SLC25A48: variants seen among roughly 807,000 people sequenced by gnomAD.
SLC25A48 encodes solute carrier family 25 member 48, also known as CTC-321K16.1.
SLC25A48 carries 29 observed loss-of-function variants against 32.2 expected under a neutral mutation model. The ratio of observed to expected loss-of-function variants is 0.90; its 90% CI spans 0.67 to 1.23. SLC25A48 has a LOEUF of 1.23. Ranked by LOEUF, SLC25A48 falls within the 50% of genes most tolerant of loss-of-function variation. The pLI is 0.00. For synonymous variants in SLC25A48, 164 were observed against 172.3 expected (o/e 0.95, Z 0.38); for missense variants, 399 against 422.7 (o/e 0.94, Z 0.49).
chr5:135,593,782 G>A (rs1488802211), intron 1 of SLC25A48, among the ~76,000 whole-genome samples: 2 of 152,192 alleles, frequency 1.3e-5, no homozygotes, highest in African/African-American at 2.4e-5. Flanking sequence ...TCTGATCATA[G>A]CGTTAGTTGT....
At chr5:135,796,015 G>GGT (rs1383064916) in intron 3 of SLC25A48, among the ~76,000 whole-genome samples, 7 of 135,530 alleles carry the variant, frequency 5.2e-5, no homozygotes, top group East Asian at 2.6e-4. Flanking sequence ...CGCGAGGGGG[G>GGT]GGTGGGTGTA....
At chr5:135,827,545 A>C (rs890460668) in intron 4 of SLC25A48, 6 of 152,306 alleles carry the variant, frequency 3.9e-5, no homozygotes, top group African/African-American at 1.4e-4. Flanking sequence ...TTGCCAGGAA[A>C]ACTCGTCTTT....
chr5:135,765,162 A>C (rs1018358763), intron 3 of SLC25A48, among the ~76,000 whole-genome samples: 1 of 151,496 alleles, frequency 6.6e-6, no homozygotes, highest in Non-Finnish European at 1.5e-5. Context: ...TGGTGATATT[A>C]ATCCCCATAT....
chr5:135,579,806 G>A (rs146276167), intron 1 of SLC25A48, among the ~76,000 whole-genome samples: 3 of 152,318 alleles, frequency 2.0e-5, no homozygotes, highest in Non-Finnish European at 4.4e-5. Flanking sequence ...GTAACCATCT[G>A]GATGAAGGCC....
chr5:135,767,242 T>C lies in SLC25A48; in HGVS notation c.-520-45281T>C, dbSNP rs190810566. Among the ~76,000 whole-genome samples the C allele has an allele frequency of 3.0e-3, 450 of 150,854 alleles. 5 individuals are homozygous for C. The highest frequency in any genetic ancestry group is 3.4e-3 in the Middle Eastern group (1 of 292). On this transcript the variant is annotated intron_variant, in intron 3 of 10. Transcript: ENST00000646290. Reference sequence around the variant, plus strand: ...CCAAAGTGGGAGAGGGTGATATTACTATCTATATTGGGGTGGTCTTCATAT... The same window carrying C: ...CCAAAGTGGGAGAGGGTGATATTACCATCTATATTGGGGTGGTCTTCATAT...
At chr5:135,834,110 G>A (rs1429185282), upstream of SLC25A48, among the ~76,000 whole-genome samples, 3 of 152,228 alleles carry the variant, frequency 2.0e-5, no homozygotes, top group African/African-American at 4.8e-5. Context: ...CAGTGAGCAC[G>A]GACCCCTGGC....
At chr5:135,618,122 A>C (rs1580727354) in intron 1 of SLC25A48, among the ~76,000 whole-genome samples, 1 of 151,010 alleles carries the variant, frequency 6.6e-6, no homozygotes, top group East Asian at 1.9e-4. Context: ...ATATATTTAG[A>C]ATTGCTATAT....
At chr5:135,742,389 C>T (rs1205398874) in intron 3 of SLC25A48, 7 of 1,213,224 alleles carry the variant, frequency 5.8e-6, no homozygotes, top group South Asian at 2.0e-5. Context: ...CCTAGGAATC[C>T]GTTATTTAAT....
chr5:135,769,210 C>G (rs1756332335), intron 3 of SLC25A48, among the ~76,000 whole-genome samples: 1 of 131,476 alleles, frequency 7.6e-6, no homozygotes, highest in Non-Finnish European at 1.5e-5. Context: ...AAATATTACT[C>G]CTAATATTGT....
At chr5:135,736,839 T>G (rs1755372441) in intron 3 of SLC25A48, among the ~76,000 whole-genome samples, 1 of 151,844 alleles carries the variant, frequency 6.6e-6, no homozygotes, top group African/African-American at 2.4e-5. Flanking sequence ...GAACTGAAAT[T>G]AAGAGAAGGG....
chr5:135,872,045 T>C (rs1761698665), intron 5 of SLC25A48: 1 of 1,226,976 alleles, frequency 8.2e-7, no homozygotes, highest in Non-Finnish European at 1.0e-6. Flanking sequence ...ATCTTTGTAA[T>C]GTAAGGATGC....
intron 1 of SLC25A48, among the ~76,000 whole-genome samples, chr5:135,836,372 G>A (rs1330669468): frequency 7.7e-6 from 1 of 129,676 alleles, no homozygotes; most frequent in Non-Finnish European, 1.7e-5. Flanking sequence ...TTTTTTTTTT[G>A]GCTTCCATGA....
rs372489295 is a variant in SLC25A48, at chr5:135,834,822, C to A, written c.-26C>A. ...CTCTAAGTGGGCACTGCCCCGGCTC[C>A]GGGAGGGCGAGACCGAGCGCCGGCC... On this transcript the variant is annotated 5_prime_UTR_variant, in exon 1 of 8. Transcript: ENST00000681962. The A allele has an allele frequency of 9.1e-5, 143 of 1,578,924 alleles. No homozygotes were observed. The African/African-American group carries it at 1.8e-3, about 20-fold the overall frequency.
At chr5:135,856,457 G>A (rs1760328165) in intron 4 of SLC25A48, among the ~76,000 whole-genome samples, 1 of 152,158 alleles carries the variant, frequency 6.6e-6, no homozygotes, top group South Asian at 2.1e-4. Flanking sequence ...TCCCAGCCTA[G>A]CATCTCCTGC....
rs114963025 is a variant in SLC25A48, at chr5:135,823,162, G to C, written c.-117+10236G>C. On this transcript the variant is annotated intron_variant, in intron 4 of 10. Coordinates refer to the SLC25A48 transcript ENST00000646290. ...AGGGGCTAGGGTGGGAGTCGGGAAGGCCAGGGTGGGATTCACGAAGGCTGG... is the reference window on the plus strand; with the variant it reads ...AGGGGCTAGGGTGGGAGTCGGGAAGCCCAGGGTGGGATTCACGAAGGCTGG... Among the ~76,000 whole-genome samples the C allele has an allele frequency of 7.1e-3, 1,084 of 152,204 alleles. 15 individuals carry two copies. The highest frequency in any genetic ancestry group is 0.026 in the African/African-American group (1,059 of 41,520).
At chr5:135,824,001 G>C (rs1757958888) in intron 4 of SLC25A48, among the ~76,000 whole-genome samples, 1 of 152,154 alleles carries the variant, frequency 6.6e-6, no homozygotes, top group Non-Finnish European at 1.5e-5. Context: ...GTGAACGAGA[G>C]GCACCAGACA....
intron 3 of SLC25A48, among the ~76,000 whole-genome samples, chr5:135,725,681 T>C (rs1456161549): frequency 6.6e-6 from 1 of 152,196 alleles, no homozygotes; most frequent in East Asian, 1.9e-4. Flanking sequence ...TCAGAGGTGT[T>C]AGCTGTAGCT....
At chr5:135,615,395 T>C (rs1273198911) in intron 1 of SLC25A48, among the ~76,000 whole-genome samples, 3 of 152,228 alleles carry the variant, frequency 2.0e-5, no homozygotes, top group Admixed American at 1.3e-4. Flanking sequence ...TTTTGTTATG[T>C]GTTAACAAAG....
intron 3 of SLC25A48, among the ~76,000 whole-genome samples, chr5:135,688,985 C>T (rs961756801): frequency 6.6e-6 from 1 of 152,138 alleles, no homozygotes; most frequent in African/African-American, 2.4e-5. Context: ...TCTTATAAGA[C>T]AATATTATTA....
Sources: allele counts gnomAD v4.1 joint callset (sites outside exome capture counted in the v4.1 genomes callset), GRCh38; gene constraint gnomAD v4.1.1; transcripts MANE v1.5; gene names NCBI Gene and HGNC (gene_info 2026-07-23, HGNC 2026-07-21).